CFAP144: variants seen among roughly 807,000 people sequenced by gnomAD.
The protein encoded by CFAP144 is cilia and flagella associated protein 144, also known as cilia- and flagella-associated protein 144.
At chr1:43,146,171 T>C in the CFAP144 span, among the ~76,000 whole-genome samples, 20 of 152,234 alleles carry the variant, frequency 1.3e-4, no homozygotes, top group Admixed American at 1.3e-3. Flanking sequence ...GCCATGGAGC[T>C]CTTGAGATGT....
chr1:43,148,538 G>A, the CFAP144 span, among the ~76,000 whole-genome samples: 1 of 152,002 alleles, frequency 6.6e-6, no homozygotes, highest in Non-Finnish European at 1.5e-5. Context: ...AGTTTGTTCT[G>A]TCCTGTCACA....
chr1:43,151,754 C>T, the CFAP144 span, among the ~76,000 whole-genome samples: 18 of 152,064 alleles, frequency 1.2e-4, no homozygotes, highest in Non-Finnish European at 2.4e-4. Context: ...GACAGATGAC[C>T]GCGGCTGGGA....
At chr1:43,150,801 C>T in the CFAP144 span, 3 of 1,610,064 alleles carry the variant, frequency 1.9e-6, no homozygotes, top group Non-Finnish European at 1.7e-6. Context: ...GGCATGATAA[C>T]CTGGAGGAAC....
At chr1:43,155,873 C>T in the CFAP144 span, among the ~76,000 whole-genome samples, 1 of 152,132 alleles carries the variant, frequency 6.6e-6, no homozygotes, top group East Asian at 1.9e-4. Context: ...GTCAGAGTGC[C>T]GACTTTTACT....
chr1:43,155,424 C>T, the CFAP144 span, among the ~76,000 whole-genome samples: 1 of 152,198 alleles, frequency 6.6e-6, no homozygotes, highest in African/African-American at 2.4e-5. Flanking sequence ...CTCAGACCTT[C>T]GTAGGCTCTG....
At chr1:43,150,843 C>A in the CFAP144 span, 1 of 1,589,800 alleles carries the variant, frequency 6.3e-7, no homozygotes, top group Non-Finnish European at 8.6e-7. Flanking sequence ...CTTTGAAATG[C>A]CATTGAGATA....
chr1:43,153,545 G>T, the CFAP144 span, among the ~76,000 whole-genome samples: 1 of 151,942 alleles, frequency 6.6e-6, no homozygotes. Context: ...GGAGGCGGAG[G>T]TTGCAGTGGG....
At chr1:43,150,840 A>G in the CFAP144 span, 2 of 1,595,064 alleles carry the variant, frequency 1.3e-6, no homozygotes, top group South Asian at 1.1e-5. Flanking sequence ...GGGCTTTGAA[A>G]TGCCATTGAG....
chr1:43,148,733 G>A, the CFAP144 span, among the ~76,000 whole-genome samples: 1 of 151,920 alleles, frequency 6.6e-6, no homozygotes, highest in Non-Finnish European at 1.5e-5. Context: ...AAAAGGCCCC[G>A]GATGATTCAC....
chr1:43,149,846 A>G, the CFAP144 span, among the ~76,000 whole-genome samples: 3 of 152,234 alleles, frequency 2.0e-5, no homozygotes, highest in African/African-American at 4.8e-5. Context: ...CGCATGCTCT[A>G]AAGTTCTTTT....
chr1:43,146,811 G>A, the CFAP144 span, among the ~76,000 whole-genome samples: 1 of 152,184 alleles, frequency 6.6e-6, no homozygotes, highest in Non-Finnish European at 1.5e-5. Context: ...ACTAAAAATA[G>A]GGGTGGCTTC....
At chr1:43,146,536 G>A in the CFAP144 span, among the ~76,000 whole-genome samples, 1 of 152,156 alleles carries the variant, frequency 6.6e-6, no homozygotes, top group Admixed American at 6.5e-5. Context: ...TTTAACTTTT[G>A]GTGTCCAGAA....
the CFAP144 span, among the ~76,000 whole-genome samples, chr1:43,154,062 GTA>G: frequency 0.1 from 8,604 of 83,216 alleles, 356 homozygotes; most frequent in South Asian, 0.13. Flanking sequence ...ATATGTGTGT[GTA>G]TATATATATA....
At chr1:43,154,992 G>T in the CFAP144 span, among the ~76,000 whole-genome samples, 4,517 of 152,280 alleles carry the variant, frequency 0.03, 153 homozygotes, top group African/African-American at 0.089. Context: ...AACCCAATCA[G>T]ATATCAAGGG....
At chr1:43,150,895 C>A in the CFAP144 span, 4 of 1,227,532 alleles carry the variant, frequency 3.3e-6, no homozygotes, top group South Asian at 2.6e-5. Context: ...CTCTCAGGGT[C>A]GTGATATCTT....
chr1:43,143,427 T>C, the CFAP144 span, among the ~76,000 whole-genome samples: 1 of 151,872 alleles, frequency 6.6e-6, no homozygotes, highest in Non-Finnish European at 1.5e-5. Context: ...AGGAAAAGGG[T>C]GTTGGGTCAA....
At chr1:43,156,306 A>G in the CFAP144 span, 7 of 1,613,056 alleles carry the variant, frequency 4.3e-6, no homozygotes, top group Non-Finnish European at 5.9e-6. Flanking sequence ...GATGATCACC[A>G]CAAGTAGCAT....
chr1:43,150,885 C>T, the CFAP144 span: 2 of 1,330,586 alleles, frequency 1.5e-6, no homozygotes, highest in Non-Finnish European at 2.1e-6. Flanking sequence ...CTGGAGAGAC[C>T]TCTCAGGGTC....
the CFAP144 span, chr1:43,150,744 G>T: frequency 2.6e-4 from 413 of 1,595,974 alleles, 12 homozygotes; most frequent in South Asian, 4.3e-3. Context: ...TTGTGAAGCT[G>T]TTTTCTTTTT....
Sources: gnomAD v4.1 joint callset for allele counts (sites outside exome capture counted in the v4.1 genomes callset) on GRCh38, gnomAD v4.1.1 for gene constraint, MANE v1.5 for transcripts, NCBI Gene and HGNC (gene_info 2026-07-23, HGNC 2026-07-21) for gene names.